Variants in IRS2 observed in about 807,000 individuals in gnomAD.
IRS2 encodes the protein insulin receptor substrate 2.
A neutral mutation model predicts 70.9 loss-of-function variants in IRS2; 28 were observed. That is an observed-to-expected ratio of 0.39 (90% CI 0.29 to 0.54). The LOEUF (loss-of-function observed/expected upper bound fraction) is 0.54, where lower values mean the gene tolerates loss of function less well. IRS2 is among the 20% of genes least tolerant of loss of function. The pLI, the probability that IRS2 is intolerant of heterozygous loss-of-function variation, is 0.59. For missense variants in IRS2, 2,081 were observed against 2,024.1 expected (o/e 1.03, Z -0.54); for synonymous variants, 1,217 against 981.9 (o/e 1.24, Z -4.48).
rs536041913 is a variant in IRS2, at chr13:109,783,644, T to A, written c.2410A>T (p.Ser804Cys). ...PLRGVPGCCY[S>C]SLPRSYKAPY... ...GCCTTGTAGGAGCGGGGCAAGGAGC[T>A]GTAGCAGCAGCCGGGAACGCCCCTG... is the stretch of plus-strand genomic sequence containing the variant. The change falls in exon 1 of 2, where the codon AGC becomes TGC. Residue 804 changes from serine (S) to cysteine (C), a missense_variant. By Grantham distance (112) the Ser-to-Cys change is moderately radical. This residue lies in a region of IRS2 where 1,615 missense variants were observed against 1,459.5 expected (regional missense o/e 1.11). Coordinates refer to ENST00000375856, the MANE Select transcript of IRS2 (RefSeq NM_003749.3). The A allele has an allele frequency of 1.9e-6, 3 of 1,553,710 alleles. No individual in the cohort carries two copies. The African/African-American group carries it at 4.1e-5, about 21-fold the overall frequency.
chr13:109,758,369 A>G (rs1877152524), intron 1 of IRS2, among the ~76,000 whole-genome samples: 1 of 152,268 alleles, frequency 6.6e-6, no homozygotes, highest in African/African-American at 2.4e-5. Context: ...AATTAGCTAA[A>G]TGTGGCTGAA....
chr13:109,782,970 AGAC>A lies in IRS2; in HGVS notation c.3081_3083del (p.Ser1028del). ...CCGGCGGCGGTGGCGGCGGCTGCAG[AGAC>A]GACGACGGGGACGCGGACGGACGCG... is the stretch of plus-strand genomic sequence containing the variant. On this transcript the variant is annotated inframe_deletion, in exon 1 of 2. Transcript: ENST00000375856. 1.4e-6 allele frequency: 2 copies of A among 1,413,450 alleles called. No individual in the cohort carries two copies. The highest frequency in any genetic ancestry group is 9.2e-7 in the Non-Finnish European group (1 of 1,088,440). 87.6% of individuals were successfully genotyped at this position (1,413,450 alleles called of 1,614,324 possible).
chr13:109,761,649 G>A (rs577683913), intron 1 of IRS2, among the ~76,000 whole-genome samples: 6 of 150,500 alleles, frequency 4.0e-5, no homozygotes, highest in Non-Finnish European at 5.9e-5. Context: ...TAGGAAAAAC[G>A]GTTACTTGAA....
At chr13:109,768,347 C>T (rs982648979) in intron 1 of IRS2, among the ~76,000 whole-genome samples, 1 of 152,134 alleles carries the variant, frequency 6.6e-6, no homozygotes, top group African/African-American at 2.4e-5. Context: ...GGCTGGAGCC[C>T]ATTTATTAAA....
intron 1 of IRS2, among the ~76,000 whole-genome samples, chr13:109,758,550 T>A (rs1416465057): frequency 2.1e-4 from 3 of 14,050 alleles, no homozygotes; most frequent in Non-Finnish European, 2.0e-3. Context: ...ATTTTCATTG[T>A]TTTTTTTAGG....
In IRS2 at chr13:109,785,250, G is replaced by T. The variant is rs1163813600; in HGVS notation, c.804C>A (p.Gly268=). The part of the protein sequence containing the change: ...EVGRSAVTGP[G]ELWMQADDSV... The stretch of plus-strand genomic sequence containing the variant: ...AGTCGTCCGCCTGCATCCACAGCTC[G>T]CCGGGGCCTGTGACGGCCGAGCGGC... The change falls in exon 1 of 2, where the codon GGC becomes GGA. Residue 268 remains glycine (G), a synonymous_variant. Coordinates refer to ENST00000375856, the MANE Select transcript of IRS2 (RefSeq NM_003749.3). The surrounding 1 kb of genome is among the most constrained non-coding windows in gnomAD (Gnocchi z 9.3). The T allele has an allele frequency of 3.7e-6, 6 of 1,607,086 alleles. No individual in the cohort carries two copies. Among genetic ancestry groups the T allele is most frequent in the Non-Finnish European group, 2.5e-6 (3 of 1,177,594 alleles).
Position 109,784,784 on chromosome 13 carries a change from C to T in IRS2, c.1270G>A (p.Ala424Thr). The T allele has an allele frequency of 8.0e-7, 1 of 1,255,482 alleles. No individual in the cohort carries two copies. The highest frequency in any genetic ancestry group is 1.0e-6 in the Non-Finnish European group (1 of 999,250). 77.8% of individuals were successfully genotyped at this position (1,255,482 alleles called of 1,614,324 possible). A position where few individuals can be genotyped will look rare whatever the true frequency, so the allele number is the denominator to read the frequency against. The change falls in exon 1 of 2, where the codon GCG becomes ACG. Residue 424 changes from alanine (A) to threonine (T), a missense_variant. Physicochemically the swap from Ala to Thr is moderately conservative, Grantham distance 58. Around this residue, in one of 4 missense-constraint regions of IRS2, gnomAD observed 1,615 missense variants for 1,459.5 expected, o/e 1.11. Transcript: ENST00000375856. This position sits in a 1 kb window ranked among gnomAD's most constrained non-coding sequence, Gnocchi z 5.2. The part of the protein sequence containing the change: ...SKVALLPAGG[A>T]LQHSRSMSMP... The stretch of plus-strand genomic sequence containing the variant: ...GACATGGAGCGGCTGTGTTGCAGCG[C>T]GCCCCCTGCCGGCAGCAGCGCCACC...
chr13:109,784,731 G>A lies in IRS2; in HGVS notation c.1323C>T (p.Ala441=). 9 of 1,232,926 alleles carry A rather than the reference G, an allele frequency of 7.3e-6. No individual in the cohort carries two copies. The highest frequency in any genetic ancestry group is 9.1e-6 in the Non-Finnish European group (9 of 988,818). 76.4% of individuals were successfully genotyped at this position (1,232,926 alleles called of 1,614,324 possible). A position where few individuals can be genotyped will look rare whatever the true frequency, so the allele number is the denominator to read the frequency against. The change falls in exon 1 of 2, where the codon GCC becomes GCT. Residue 441 remains alanine, a synonymous_variant. Coordinates refer to ENST00000375856, the MANE Select transcript of IRS2 (RefSeq NM_003749.3). This position sits in a 1 kb window ranked among gnomAD's most constrained non-coding sequence, Gnocchi z 5.2. ...MSMPVAHSPP[A]ATSPGSLSSS... The stretch of plus-strand genomic sequence containing the variant: ...ACGACAGGGAGCCGGGGCTGGTGGC[G>A]GCGGGCGGCGAGTGCGCCACGGGCA...
rs1280985050 is a variant in IRS2, at chr13:109,785,568, G to A, written c.486C>T (p.Ser162=). ...GGGCGCCGGGCAGGGAGGCGCTGCA[G>A]GACGCGGCGGGCGCGGCGGCGGGGG... ...DAPPAAAPAA[S]CSASLPGALG... The change falls in exon 1 of 2, where the codon TCC becomes TCT. Residue 162 remains serine, a synonymous_variant. Coordinates refer to ENST00000375856, the MANE Select transcript of IRS2 (RefSeq NM_003749.3). The surrounding 1 kb of genome is among the most constrained non-coding windows in gnomAD (Gnocchi z 9.3). 1 of 1,315,258 alleles carries A rather than the reference G, an allele frequency of 7.6e-7. No individual in the cohort carries two copies. Among genetic ancestry groups the A allele is most frequent in the South Asian group, 2.2e-5 (1 of 44,776 alleles). The allele number at this position is 1,315,258 out of a possible 1,614,324, so 81.5% of individuals were successfully genotyped here. A position where few individuals can be genotyped will look rare whatever the true frequency, so the allele number is the denominator to read the frequency against.
intron 1 of IRS2, among the ~76,000 whole-genome samples, chr13:109,775,746 T>C (rs887954943): frequency 8.4e-6 from 1 of 119,748 alleles, no homozygotes; most frequent in African/African-American, 3.2e-5. Context: ...GGATGAGATA[T>C]TATGGAAACA....
At chr13:109,774,763 T>G (rs1594385529) in intron 1 of IRS2, among the ~76,000 whole-genome samples, 1 of 152,152 alleles carries the variant, frequency 6.6e-6, no homozygotes, top group African/African-American at 2.4e-5. Context: ...TGCCATAGGA[T>G]TTTTTGGAAT....
Position 109,785,014 on chromosome 13 carries a change from A to G in IRS2, c.1040T>C (p.Leu347Pro), listed in dbSNP as rs1281092185. Reference protein sequence around the residue: ...GLVRRSRTDSLAATPPAAKCS... With the variant: ...GLVRRSRTDSPAATPPAAKCS... Reference sequence around the variant, plus strand: ...CTTGGCCGCCGGCGGGGTGGCGGCCAGGCTGTCGGTGCGCGAGCGGCGCAC... The same window carrying G: ...CTTGGCCGCCGGCGGGGTGGCGGCCGGGCTGTCGGTGCGCGAGCGGCGCAC... The change falls in exon 1 of 2, where the codon CTG becomes CCG. Residue 347 changes from leucine (L) to proline (P), a missense_variant. By Grantham distance (98) the Leu-to-Pro change is moderately conservative (BLOSUM62 -3). Around this residue, in one of 4 missense-constraint regions of IRS2, gnomAD observed 111 missense variants for 133.1 expected, o/e 0.83. Transcript: ENST00000375856. The surrounding 1 kb of genome is among the most constrained non-coding windows in gnomAD (Gnocchi z 9.3). 2.8e-6 allele frequency: 4 copies of G among 1,440,246 alleles called. No individual in the cohort carries two copies. Among genetic ancestry groups the G allele is most frequent in the Non-Finnish European group, 3.6e-6 (4 of 1,101,198 alleles). The allele number at this position is 1,440,246 out of a possible 1,614,324, so 89.2% of individuals were successfully genotyped here.
At chr13:109,777,276 A>G (rs1344837965) in intron 1 of IRS2, among the ~76,000 whole-genome samples, 2 of 152,154 alleles carry the variant, frequency 1.3e-5, no homozygotes, top group Non-Finnish European at 2.9e-5. Flanking sequence ...AAAACAAACA[A>G]ACAAAAACCC....
Position 109,783,003 on chromosome 13 carries a change from C to G in IRS2, c.3051G>C (p.Leu1017Phe), listed in dbSNP as rs1594389920. 4 of 1,366,126 alleles carry G rather than the reference C, an allele frequency of 2.9e-6. No homozygotes were observed. Among genetic ancestry groups the G allele is most frequent in the Non-Finnish European group, 3.8e-6 (4 of 1,064,202 alleles). 84.6% of individuals were successfully genotyped at this position (1,366,126 alleles called of 1,614,324 possible). A position where few individuals can be genotyped will look rare whatever the true frequency, so the allele number is the denominator to read the frequency against. The change falls in exon 1 of 2, where the codon TTG (leucine) becomes TTC (phenylalanine). Residue 1017 changes from leucine to phenylalanine, a missense_variant. By Grantham distance (22) the Leu-to-Phe change is conservative (BLOSUM62 0). This residue lies in a region of IRS2 where 1,615 missense variants were observed against 1,459.5 expected (regional missense o/e 1.11). Transcript: ENST00000375856. Reference sequence around the variant, plus strand: ...ACGGGGACGCGGACGGACGCGGGGGCAACGGCGGATACGGGGAGGAGGCCT... The same window carrying G: ...ACGGGGACGCGGACGGACGCGGGGGGAACGGCGGATACGGGGAGGAGGCCT... ...SPEASSPYPP[L>F]PPRPSASPSS... is the part of the protein sequence containing the mutation.
At position 109,782,059 on chromosome 13, in the gene IRS2, T is replaced by C; in HGVS notation, c.3995A>G (p.Glu1332Gly). The C allele has an allele frequency of 6.2e-7, 1 of 1,612,466 alleles. No homozygotes were observed. The highest frequency in any genetic ancestry group is 2.2e-5 in the East Asian group (1 of 44,822). ...SIDFLSHHLK[E>G]ATIVKE is the part of the protein sequence containing the mutation. ...CTCCTCACCTTTCACGATGGTGGCC[T>C]CCTTCAAGTGGTGGGACAAGAAGTC... Residue 1332 changes from glutamate (E) to glycine (G), a missense_variant, in exon 1 of 2, where the codon GAG becomes GGG. Physicochemically the swap from Glu to Gly is moderately conservative, Grantham distance 98 (BLOSUM62 -2). This residue lies in a region of IRS2 where 1,615 missense variants were observed against 1,459.5 expected (regional missense o/e 1.11). Transcript: ENST00000375856.
At chr13:109,756,724 C>T (rs1877114707) in intron 1 of IRS2, among the ~76,000 whole-genome samples, 1 of 152,218 alleles carries the variant, frequency 6.6e-6, no homozygotes, top group South Asian at 2.1e-4. Flanking sequence ...ACAGAATCCA[C>T]TTGCCTTCCT....
Position 109,784,189 on chromosome 13 carries a change from T to C in IRS2, c.1865A>G (p.Lys622Arg), listed in dbSNP as rs780585524. The change falls in exon 1 of 2, where the codon AAG becomes AGG. Residue 622 changes from lysine (K) to arginine (R), a missense_variant. Lys to Arg is a conservative substitution (Grantham distance 26, BLOSUM62 2). Around this residue, in one of 4 missense-constraint regions of IRS2, gnomAD observed 1,615 missense variants for 1,459.5 expected, o/e 1.11. Transcript: ENST00000375856. This position sits in a 1 kb window ranked among gnomAD's most constrained non-coding sequence, Gnocchi z 5.2. ...LCPSCPASSP[K>R]VAYHPYPEDY... ...CTCTGGGTAGGGGTGGTAGGCCACC[T>C]TGGGAGAGGACGCGGGGCAGGACGG... is the stretch of plus-strand genomic sequence containing the variant. 4 of 1,577,298 alleles carry C rather than the reference T, an allele frequency of 2.5e-6. No homozygotes were observed. The highest frequency in any genetic ancestry group is 1.3e-5 in the African/African-American group (1 of 74,382).
intron 1 of IRS2, among the ~76,000 whole-genome samples, chr13:109,765,161 A>G (rs1275279073): frequency 6.6e-6 from 1 of 152,194 alleles, no homozygotes; most frequent in East Asian, 1.9e-4. Flanking sequence ...GCTCTATACA[A>G]AAAGGTGCCC....
Position 109,786,489 on chromosome 13 carries a change from C to T in IRS2, c.-436G>A, listed in dbSNP as rs1877933149. On this transcript the variant is annotated 5_prime_UTR_variant, in exon 1 of 2. Coordinates refer to ENST00000375856, the MANE Select transcript of IRS2 (RefSeq NM_003749.3). This position sits in a 1 kb window ranked among gnomAD's most constrained non-coding sequence, Gnocchi z 4.4. ...GGTGCGCCCGGGCGCTCGGGGTCCG[C>T]GCCGCCGCCGGGGCTGCTGCTGCTG... 2 of 152,440 alleles carry T rather than the reference C, an allele frequency of 1.3e-5. No individual in the cohort carries two copies. Among genetic ancestry groups the T allele is most frequent in the Non-Finnish European group, 2.9e-5 (2 of 69,338 alleles). 9.4% of individuals were successfully genotyped at this position (152,440 alleles called of 1,614,324 possible). A position where few individuals can be genotyped will look rare whatever the true frequency, so the allele number is the denominator to read the frequency against.
Sources: gnomAD v4.1 joint callset for allele counts (sites outside exome capture counted in the v4.1 genomes callset) on GRCh38, gnomAD v4.1.1 for gene constraint, gnomAD v4.1.1 regional missense constraint, Gnocchi (gnomAD v3.1) non-coding constraint, MANE v1.5 for transcripts, NCBI Gene and HGNC (gene_info 2026-07-23, HGNC 2026-07-21) for gene names.